Variants in HDHD5 observed in about 807,000 individuals in gnomAD.
HDHD5 encodes haloacid dehalogenase like hydrolase domain containing 5, also known as haloacid dehalogenase-like hydrolase domain-containing 5.
Under a neutral mutation model 35.5 loss-of-function variants are expected in HDHD5, and 34 were observed. The observed-to-expected ratio is 0.96, with a 90% CI of 0.73 to 1.28. The LOEUF (loss-of-function observed/expected upper bound fraction) is 1.28. Among genes scored for constraint, HDHD5 ranks in the 50% most tolerant of loss-of-function variants. HDHD5 has a pLI of 0.00. For synonymous variants in HDHD5, 248 were observed against 240.6 expected, an observed-to-expected ratio of 1.03 and a Z score of -0.29; for missense variants, 589 against 560.2, an observed-to-expected ratio of 1.05 and a Z score of -0.52.
chr22:17,148,732 A>T (rs1273870517), intron 2 of HDHD5, among the ~76,000 whole-genome samples, 172 bp from the exon 3 acceptor site: 3 of 152,216 alleles, frequency 2.0e-5, no homozygotes, highest in Admixed American at 1.3e-4. Context: ...GCACCCAAAC[A>T]GATCTGAGAA....
chr22:17,164,222 G>GAAAAAA (rs60212114), upstream of HDHD5, among the ~76,000 whole-genome samples: 6 of 111,924 alleles, frequency 5.4e-5, no homozygotes, highest in Admixed American at 1.8e-4. Flanking sequence ...CTCCATCTCA[G>GAAAAAA]AAAAAAAAAA....
chr22:17,160,734 C>T (rs1030655770), upstream of HDHD5, among the ~76,000 whole-genome samples: 1 of 152,032 alleles, frequency 6.6e-6, no homozygotes, highest in African/African-American at 2.4e-5. Flanking sequence ...AGGGCAAGAT[C>T]TTAATTCAGT....
intron 1 of HDHD5, chr22:17,158,348 C>T (rs143971353): frequency 1.3e-5 from 2 of 152,202 alleles, no homozygotes; most frequent in African/African-American, 4.8e-5. Flanking sequence ...CTGTGAAATC[C>T]GTATGTTAAT....
upstream of HDHD5, chr22:17,159,385 G>A (rs998778056): frequency 8.9e-5 from 94 of 1,051,644 alleles, no homozygotes; most frequent in Non-Finnish European, 1.2e-4. Flanking sequence ...GGAGCCCGTC[G>A]GGCGCCTATG....
chr22:17,138,379 G>GA lies in HDHD5; in HGVS notation c.936-23dup, dbSNP rs768474923. On this transcript the variant is annotated intron_variant, in intron 7 of 7. Transcript: ENST00000336737. The stretch of plus-strand genomic sequence containing the variant: ...ATCACTGGCAGGGGCAGCCACACCG[G>GA]AAAAGGAAAAAGGAGAAAAAACCCT... The GA allele has an allele frequency of 6.3e-6, 10 of 1,591,140 alleles. No homozygotes were observed. In the East Asian group the frequency reaches 2.2e-4, roughly 36 times the overall value.
chr22:17,155,393 G>C (rs775844714), intron 1 of HDHD5, among the ~76,000 whole-genome samples: 13 of 151,816 alleles, frequency 8.6e-5, no homozygotes, highest in Non-Finnish European at 1.9e-4. Flanking sequence ...CTACAGACGC[G>C]CGCCAACACA....
chr22:17,155,271 G>A (rs1484169970), intron 1 of HDHD5, among the ~76,000 whole-genome samples: 2 of 144,132 alleles, frequency 1.4e-5, no homozygotes, highest in South Asian at 4.3e-4. Context: ...TTTTTGAGAC[G>A]GAGTCTCACT....
rs557018580 is a variant in HDHD5, at chr22:17,155,480, C to T, written c.126+3646G>A. The stretch of plus-strand genomic sequence containing the variant: ...CAGGCTGGTCTCAAACTCCTGACCT[C>T]GTGATCCGCCCGTCGCGGCCTCCCA... On this transcript the variant is annotated intron_variant, in intron 1 of 7. Coordinates refer to ENST00000336737, the MANE Select transcript of HDHD5 (RefSeq NM_033070.3). Among the ~76,000 whole-genome samples, 28 of 152,168 alleles carry T rather than the reference C, an allele frequency of 1.8e-4. No individual in the cohort carries two copies. The East Asian group carries it at 2.1e-3, about 12-fold the overall frequency.
rs2061811080 is a variant in HDHD5, at chr22:17,157,415, G to A, written c.126+1711C>T. On this transcript the variant is annotated intron_variant, in intron 1 of 7. Coordinates refer to ENST00000336737, the MANE Select transcript of HDHD5 (RefSeq NM_033070.3). Reference sequence around the variant, plus strand: ...CGAGTAGCTGGGATTACAAGTAATAGATCCATTACATAGATGGGGAAACTG... The same window carrying A: ...CGAGTAGCTGGGATTACAAGTAATAAATCCATTACATAGATGGGGAAACTG... Among the ~76,000 whole-genome samples the A allele has an allele frequency of 4.6e-5, 7 of 152,014 alleles. No homozygotes were observed. The South Asian group carries it at 1.5e-3, about 32-fold the overall frequency.
intron 6 of HDHD5, among the ~76,000 whole-genome samples, chr22:17,138,965 A>T (rs2123845183): frequency 6.6e-6 from 1 of 152,364 alleles, no homozygotes; most frequent in African/African-American, 2.4e-5. Flanking sequence ...ACCAAGGCAC[A>T]GCAAGATTAA....
intron 1 of HDHD5, chr22:17,158,651 C>A (rs1413287391): frequency 1.3e-5 from 2 of 152,410 alleles, no homozygotes; most frequent in Non-Finnish European, 2.9e-5. Context: ...GCGGAGCCTC[C>A]AGCGCTCAGT....
At chr22:17,143,049 A>G in intron 5 of HDHD5, 49 bp downstream of exon 5, 1 of 1,599,094 alleles carries the variant, frequency 6.3e-7, no homozygotes, top group Non-Finnish European at 8.5e-7. Context: ...AGGGCCAGAG[A>G]GGAGACGGAG....
rs1420089230 is a variant in HDHD5, at chr22:17,139,384, T to C, written c.747-646A>G. On this transcript the variant is annotated intron_variant, in intron 6 of 7. Coordinates refer to ENST00000336737, the MANE Select transcript of HDHD5 (RefSeq NM_033070.3). ...CTCTACCAAAAATGCAAAAATTAGC[T>C]GGGTGTGGTGGCACATGCCTGTAGT... Among the ~76,000 whole-genome samples the C allele has an allele frequency of 4.6e-5, 7 of 151,994 alleles. No homozygotes were observed. The East Asian group carries it at 1.4e-3, about 30-fold the overall frequency.
At chr22:17,159,282 T>C, upstream of HDHD5, 1 of 1,071,892 alleles carries the variant, frequency 9.3e-7, no homozygotes, top group Non-Finnish European at 1.1e-6. Context: ...GTGCACGGCG[T>C]GCGGCCCCCC....
chr22:17,143,251 G>C, intron 4 of HDHD5, 120 bp from the exon 5 acceptor site: 1 of 1,077,864 alleles, frequency 9.3e-7, no homozygotes. Context: ...CCCCACACCC[G>C]TGGTCAAGCC....
chr22:17,159,286 G>GC (rs746678755), upstream of HDHD5: 180,016 of 1,021,990 alleles, frequency 0.18, 5,122 homozygotes, highest in African/African-American at 0.32. Flanking sequence ...ACGGCGTGCG[G>GC]CCCCCCCCCC....
At chr22:17,159,693 A>C (rs1601407945), upstream of HDHD5, 3 of 305,990 alleles carry the variant, frequency 9.8e-6, no homozygotes, top group South Asian at 6.8e-5. Flanking sequence ...CCTGCCAGTC[A>C]AGGGACGCTC....
Position 17,138,197 on chromosome 22 carries a change from A to G in HDHD5, c.1096T>C (p.Tyr366His). 6.2e-7 allele frequency: 1 copy of G among 1,614,164 alleles called. No individual in the cohort carries two copies. Among genetic ancestry groups the G allele is most frequent in the Non-Finnish European group, 8.5e-7 (1 of 1,180,016 alleles). Residue 366 changes from tyrosine to histidine, a missense_variant, in exon 8 of 8, where the codon TAC (tyrosine) becomes CAC (histidine). Physicochemically the swap from Tyr to His is moderately conservative, Grantham distance 83. Transcript: ENST00000336737. ...CISILVCTGV[Y>H]NPRNPQSTEP... ...GTGGACTGTGGGTTCCTGGGATTGT[A>G]GACGCCTGTACACACCAGGATGGAG...
chr22:17,151,860 C>G (rs1262787874), intron 1 of HDHD5, among the ~76,000 whole-genome samples: 1 of 152,038 alleles, frequency 6.6e-6, no homozygotes, highest in South Asian at 2.1e-4. Flanking sequence ...TCTAAAACAG[C>G]AGCATTTTTG....
Sources: gnomAD v4.1 joint callset for allele counts (sites outside exome capture counted in the v4.1 genomes callset) on GRCh38, gnomAD v4.1.1 for gene constraint, MANE v1.5 for transcripts, NCBI Gene and HGNC (gene_info 2026-07-23, HGNC 2026-07-21) for gene names.